The following KCTD1 variants were observed in gnomAD, a reference collection of about 807,000 sequenced individuals.
KCTD1 encodes the protein potassium channel tetramerization domain containing 1.
In KCTD1, 24 loss-of-function variants were observed where a neutral mutation model predicts 66.0. The ratio of observed to expected loss-of-function variants is 0.36; its 90% CI spans 0.26 to 0.51. The LOEUF is 0.51. Among genes scored for constraint, KCTD1 ranks in the 20% least tolerant of loss-of-function variants. KCTD1 has a pLI of 0.95. For synonymous variants in KCTD1, 511 were observed against 517.2 expected, an observed-to-expected ratio of 0.99 and a Z score of 0.16; for missense variants, 943 against 1,205.2, an observed-to-expected ratio of 0.78 and a Z score of 3.22.
chr18:26,460,937 G>C (rs780165572), intron 3 of KCTD1: 14 of 152,198 alleles, frequency 9.2e-5, no homozygotes, highest in Admixed American at 3.3e-4. Context: ...AAGATAAGTG[G>C]ATACTTGTCT....
At chr18:26,477,900 T>C (rs912225572) in intron 2 of KCTD1, among the ~76,000 whole-genome samples, 20 of 152,226 alleles carry the variant, frequency 1.3e-4, no homozygotes, top group African/African-American at 4.3e-4. Flanking sequence ...ATAAATATTT[T>C]TGAGCTAGCA....
In KCTD1 at chr18:26,501,077, T is replaced by C; in HGVS notation, c.1983A>G (p.Glu661=). ...TTTTCAGTTTTTCAGATTACCTGGA[T>C]TCAGGGTATTTGGTGAGGGTGGCCA... ...SSLATLTKYP[E]SRIGRLFDGT... is the part of the protein sequence containing the mutation. Residue 661 remains glutamate (E), a synonymous_variant, in exon 2 of 5, where the codon GAA becomes GAG. Coordinates refer to ENST00000580059, the MANE Select transcript of KCTD1 (RefSeq NM_001142730.3). The C allele has an allele frequency of 6.2e-7, 1 of 1,612,382 alleles. No individual in the cohort carries two copies. The highest frequency in any genetic ancestry group is 8.5e-7 in the Non-Finnish European group (1 of 1,179,162).
At chr18:26,506,788 G>A (rs1176893682) in intron 1 of KCTD1, among the ~76,000 whole-genome samples, 1 of 152,222 alleles carries the variant, frequency 6.6e-6, no homozygotes, top group Non-Finnish European at 1.5e-5. Context: ...GACCTGCACA[G>A]TTCAATATGG....
chr18:26,560,211 G>A (rs1170722151), intron 1 of KCTD1, among the ~76,000 whole-genome samples: 1 of 151,298 alleles, frequency 6.6e-6, no homozygotes, highest in Non-Finnish European at 1.5e-5. Context: ...AGGTTACATG[G>A]GTGTTCATTC....
chr18:26,515,753 A>G (rs1309507338), intron 1 of KCTD1, among the ~76,000 whole-genome samples: 1 of 151,888 alleles, frequency 6.6e-6, no homozygotes, highest in East Asian at 1.9e-4. Flanking sequence ...CAGGTGATCC[A>G]CCCACCTCGG....
chr18:26,493,587 G>A (rs1982319052), intron 2 of KCTD1, among the ~76,000 whole-genome samples: 1 of 152,054 alleles, frequency 6.6e-6, no homozygotes, highest in South Asian at 2.1e-4. Context: ...TACATAGTAG[G>A]TATATATATT....
At chr18:26,510,216 T>C (rs913024715) in intron 1 of KCTD1, among the ~76,000 whole-genome samples, 1 of 152,048 alleles carries the variant, frequency 6.6e-6, no homozygotes, top group African/African-American at 2.4e-5. Flanking sequence ...AGAAAGAAAA[T>C]GGGACAAGAT....
intron 1 of KCTD1, among the ~76,000 whole-genome samples, chr18:26,625,179 C>G (rs139992448): frequency 0.035 from 5,391 of 152,112 alleles, 218 homozygotes; most frequent in African/African-American, 0.1. Flanking sequence ...CAGATGAGAC[C>G]TTGGACTTGG....
chr18:26,616,155 T>C (rs1987246794), intron 1 of KCTD1, among the ~76,000 whole-genome samples: 1 of 108,444 alleles, frequency 9.2e-6, no homozygotes, highest in Non-Finnish European at 1.9e-5. Flanking sequence ...TTTTTTTTTT[T>C]TCTTCTCTTT....
Position 26,591,845 on chromosome 18 carries a change from TG to T in KCTD1, c.-16+37301del, listed in dbSNP as rs549466033. Among the ~76,000 whole-genome samples, 185 of 152,326 alleles carry T rather than the reference TG, an allele frequency of 1.2e-3. 2 individuals are homozygous for T. Among genetic ancestry groups the T allele is most frequent in the African/African-American group, 4.4e-3 (181 of 41,586 alleles). On this transcript the variant is annotated intron_variant, in intron 1 of 4. Transcript: ENST00000317932. ...TGTGTCAAACAAACCAGCCATGATT[TG>T]GAGTTTACCATCAGGACTGTTAGAC...
chr18:26,484,536 C>T (rs868761717), intron 2 of KCTD1, among the ~76,000 whole-genome samples: 1 of 152,136 alleles, frequency 6.6e-6, no homozygotes, highest in East Asian at 1.9e-4. Flanking sequence ...CTTATTAATC[C>T]TCCCCTGACT....
At chr18:26,487,580 T>C (rs1981982431) in intron 2 of KCTD1, among the ~76,000 whole-genome samples, 1 of 152,218 alleles carries the variant, frequency 6.6e-6, no homozygotes, top group Non-Finnish European at 1.5e-5. Flanking sequence ...TATCAGCTAA[T>C]GATTCAAAGA....
intron 1 of KCTD1, among the ~76,000 whole-genome samples, chr18:26,622,845 C>T (rs1334343290): frequency 6.6e-6 from 1 of 151,928 alleles, no homozygotes; most frequent in East Asian, 1.9e-4. Context: ...AGAGGACCAG[C>T]GTGACGTGGG....
intron 1 of KCTD1, among the ~76,000 whole-genome samples, chr18:26,570,162 G>A (rs1276975999): frequency 1.4e-5 from 2 of 138,896 alleles, no homozygotes; most frequent in Non-Finnish European, 3.1e-5. Flanking sequence ...TTGCAGCCTG[G>A]GCGACAGAGC....
At chr18:26,457,181 A>G (rs759560963) in intron 4 of KCTD1, 26 of 152,078 alleles carry the variant, frequency 1.7e-4, no homozygotes, top group Non-Finnish European at 3.4e-4. Context: ...ACAAGTCCTT[A>G]TAAGAACAAA....
intron 1 of KCTD1, among the ~76,000 whole-genome samples, chr18:26,617,853 G>GGA (rs1568011139): frequency 2.0e-4 from 2 of 10,142 alleles, no homozygotes; most frequent in African/African-American, 6.5e-4. Context: ...GGAAGGAAGG[G>GGA]AGGGAGGGAG....
At chr18:26,493,829 C>A (rs1269195230) in intron 2 of KCTD1, among the ~76,000 whole-genome samples, 2 of 152,236 alleles carry the variant, frequency 1.3e-5, no homozygotes, top group Middle Eastern at 3.4e-3. Context: ...TACCCATTAA[C>A]CACCCTCTCT....
chr18:26,498,210 C>T (rs1982576450), intron 2 of KCTD1, among the ~76,000 whole-genome samples: 1 of 152,090 alleles, frequency 6.6e-6, no homozygotes, highest in Non-Finnish European at 1.5e-5. Context: ...ACCAATGAAT[C>T]ACAAATTATT....
At chr18:26,464,778 T>C (rs1980631006) in intron 3 of KCTD1, among the ~76,000 whole-genome samples, 1 of 152,222 alleles carries the variant, frequency 6.6e-6, no homozygotes, top group Non-Finnish European at 1.5e-5. Flanking sequence ...AGTGGGATCC[T>C]GCTCTTGGGA....
Sources: gnomAD v4.1 joint callset for allele counts (sites outside exome capture counted in the v4.1 genomes callset) on GRCh38, gnomAD v4.1.1 for gene constraint, MANE v1.5 for transcripts, NCBI Gene and HGNC (gene_info 2026-07-23, HGNC 2026-07-21) for gene names.